Variants in MUSK observed in about 807,000 individuals in gnomAD.
MUSK encodes the protein muscle associated receptor tyrosine kinase, also known as muscle, skeletal receptor tyrosine-protein kinase.
MUSK carries 55 observed loss-of-function variants against 88.7 expected under a neutral mutation model. That is an observed-to-expected ratio of 0.62 (90% confidence interval 0.50 to 0.78). The LOEUF (loss-of-function observed/expected upper bound fraction) is 0.78. Ranked by LOEUF, MUSK falls within the 30% of genes least tolerant of loss-of-function variation. The pLI is 0.00. For synonymous variants in MUSK, 387 were observed against 391.9 expected, an observed-to-expected ratio of 0.99 and a Z score of 0.15; for missense variants, 1,015 against 1,074.3, an observed-to-expected ratio of 0.94 and a Z score of 0.77.
In MUSK at chr9:110,800,902, C is replaced by T; in HGVS notation, c.2524C>T (p.Leu842=). The change falls in exon 15 of 15, where the codon CTG becomes TTG. Residue 842 remains leucine, a synonymous_variant. Transcript: ENST00000374448. ...TCTCATGCGTCTATGTTGGAGCAAG[C>T]TGCCTGCAGACAGACCCAGTTTCAC... The part of the protein sequence containing the change: ...YNLMRLCWSK[L]PADRPSFTSI... The T allele has an allele frequency of 6.4e-7, 1 of 1,554,932 alleles. No individual in the cohort carries two copies. Among genetic ancestry groups the T allele is most frequent in the Non-Finnish European group, 8.7e-7 (1 of 1,150,658 alleles).
At chr9:110,774,751 A>AC (rs2077638696) in intron 9 of MUSK, among the ~76,000 whole-genome samples, 1 of 152,110 alleles carries the variant, frequency 6.6e-6, no homozygotes, top group African/African-American at 2.4e-5. Context: ...GCATCTCATC[A>AC]CATTCATATG....
chr9:110,764,591 T>C (rs983942554), intron 8 of MUSK, among the ~76,000 whole-genome samples: 3 of 146,940 alleles, frequency 2.0e-5, no homozygotes, highest in African/African-American at 5.0e-5. Flanking sequence ...TTTAGATAGA[T>C]AGATAGATAG....
chr9:110,756,740 C>T (rs539874952), intron 7 of MUSK, among the ~76,000 whole-genome samples: 126 of 152,174 alleles, frequency 8.3e-4, no homozygotes, highest in Non-Finnish European at 1.5e-3. Context: ...TACTTGAAGG[C>T]TGAGAACCAA....
intron 7 of MUSK, among the ~76,000 whole-genome samples, chr9:110,757,649 C>CA (rs199661999): frequency 0.5 from 72,677 of 145,664 alleles, 18,113 homozygotes; most frequent in African/African-American, 0.53. Flanking sequence ...GCCAATTTGT[C>CA]AAAAAAAAAA....
At chr9:110,753,828 T>C (rs2077278789) in intron 7 of MUSK, among the ~76,000 whole-genome samples, 1 of 152,202 alleles carries the variant, frequency 6.6e-6, no homozygotes, top group Admixed American at 6.5e-5. Context: ...TTTTTCTTAT[T>C]TCAAAAGAGG....
At chr9:110,678,609 T>A (rs1330325329) in intron 1 of MUSK, among the ~76,000 whole-genome samples, 1 of 152,204 alleles carries the variant, frequency 6.6e-6, no homozygotes, top group Non-Finnish European at 1.5e-5. Context: ...CTTTACTACA[T>A]GTGAACAATT....
chr9:110,700,938 G>A (rs7049083), intron 5 of MUSK, among the ~76,000 whole-genome samples: 12,102 of 152,228 alleles, frequency 0.079, 556 homozygotes, highest in Non-Finnish European at 0.11. Flanking sequence ...TAGACAGGAA[G>A]ACAGAATGTC....
At position 110,677,695 on chromosome 9, in the gene MUSK, T is replaced by A. The variant is rs141471731; in HGVS notation, c.80-4979T>A. On this transcript the variant is annotated intron_variant, in intron 1 of 14. Transcript: ENST00000374448. ...AGCCAAATTTGAATCATCCTGTGAA[T>A]GTGTGTGAATGTATTGTGTAGTTTT... Among the ~76,000 whole-genome samples the A allele has an allele frequency of 2.0e-3, 306 of 152,342 alleles. 1 individual carries two copies. Among genetic ancestry groups the A allele is most frequent in the African/African-American group, 7.0e-3 (290 of 41,588 alleles).
chr9:110,744,661 G>A (rs953235634), intron 6 of MUSK, among the ~76,000 whole-genome samples: 1 of 152,108 alleles, frequency 6.6e-6, no homozygotes, highest in Non-Finnish European at 1.5e-5. Context: ...ACAGTGAAAT[G>A]ATTACTATAG....
chr9:110,769,442 GAAT>G (rs1240057969), intron 9 of MUSK, among the ~76,000 whole-genome samples: 1 of 151,854 alleles, frequency 6.6e-6, no homozygotes, highest in Admixed American at 6.6e-5. Flanking sequence ...AGCATTGACA[GAAT>G]AAGAAGGGGA....
At chr9:110,762,353 T>A (rs771858116) in intron 8 of MUSK, 145 bp downstream of exon 8, 37 of 485,492 alleles carry the variant, frequency 7.6e-5, no homozygotes, top group Non-Finnish European at 1.3e-4. Flanking sequence ...TGACATGCCA[T>A]TTATTGAGTG....
chr9:110,734,779 G>T (rs2077008454), intron 6 of MUSK, among the ~76,000 whole-genome samples: 1 of 152,078 alleles, frequency 6.6e-6, no homozygotes, highest in South Asian at 2.1e-4. Context: ...TTCAATAGTG[G>T]TAATAATAAC....
intron 5 of MUSK, among the ~76,000 whole-genome samples, chr9:110,725,185 A>G (rs1338871078): frequency 2.0e-5 from 3 of 152,178 alleles, no homozygotes; most frequent in South Asian, 2.1e-4. Flanking sequence ...GTTTTCATGC[A>G]TAAGTGGGAG....
intron 6 of MUSK, among the ~76,000 whole-genome samples, chr9:110,740,002 G>A (rs554762788): frequency 6.6e-5 from 10 of 152,098 alleles, no homozygotes; most frequent in South Asian, 2.1e-4. Context: ...GTCCCAAATC[G>A]GGACACTTTA....
At chr9:110,723,175 A>G (rs928637274) in intron 5 of MUSK, among the ~76,000 whole-genome samples, 2 of 151,968 alleles carry the variant, frequency 1.3e-5, no homozygotes, top group African/African-American at 2.4e-5. Context: ...TGTGAGACAT[A>G]TAAATACACA....
chr9:110,765,342 G>C (rs2077464319), intron 8 of MUSK, among the ~76,000 whole-genome samples: 1 of 152,130 alleles, frequency 6.6e-6, no homozygotes, highest in Non-Finnish European at 1.5e-5. Flanking sequence ...CAACATGTGA[G>C]ACCATTTCGT....
chr9:110,710,544 C>G (rs2076655044), intron 5 of MUSK, among the ~76,000 whole-genome samples: 1 of 152,140 alleles, frequency 6.6e-6, no homozygotes. Flanking sequence ...CTCATCTGGT[C>G]TCCAAAGAAC....
chr9:110,736,365 G>C (rs1476383167), intron 6 of MUSK, among the ~76,000 whole-genome samples: 4 of 152,032 alleles, frequency 2.6e-5, no homozygotes, highest in African/African-American at 9.7e-5. Flanking sequence ...ATCAGTGAAG[G>C]CTCATTTGGA....
intron 7 of MUSK, among the ~76,000 whole-genome samples, chr9:110,760,522 G>T (rs1450318582): frequency 6.6e-6 from 1 of 151,964 alleles, no homozygotes; most frequent in Non-Finnish European, 1.5e-5. Flanking sequence ...AGAACACATG[G>T]ACAGAAAGAG....
Sources: gnomAD v4.1 joint callset for allele counts (sites outside exome capture counted in the v4.1 genomes callset) on GRCh38, gnomAD v4.1.1 for gene constraint, MANE v1.5 for transcripts, NCBI Gene and HGNC (gene_info 2026-07-23, HGNC 2026-07-21) for gene names.